The following COL22A1 variants were observed in gnomAD, a reference collection of about 807,000 sequenced individuals.
COL22A1 encodes collagen alpha-1(XXII) chain.
A neutral mutation model predicts 248.9 loss-of-function variants in COL22A1; 221 were observed. The ratio of observed to expected loss-of-function variants is 0.89; its 90% CI spans 0.80 to 0.99. COL22A1 has a LOEUF of 0.99. Among genes scored for constraint, COL22A1 ranks in the 50% least tolerant of loss-of-function variants. COL22A1 has a pLI of 0.00. For synonymous variants in COL22A1, 891 were observed against 793.4 expected, an observed-to-expected ratio of 1.12 and a Z score of -2.07; for missense variants, 2,240 against 2,179.0, an observed-to-expected ratio of 1.03 and a Z score of -0.56.
intron 30 of COL22A1, among the ~76,000 whole-genome samples, chr8:138,715,341 T>C (rs533756689): frequency 4.5e-4 from 68 of 152,186 alleles, no homozygotes; most frequent in African/African-American, 1.5e-3. Flanking sequence ...ACAGATCACC[T>C]GAGGTCAGGA....
chr8:138,620,940 AGC>A (rs1819733325), intron 52 of COL22A1, among the ~76,000 whole-genome samples: 1 of 141,252 alleles, frequency 7.1e-6, no homozygotes, highest in East Asian at 2.1e-4. Flanking sequence ...CAACCAACCA[AGC>A]ATCCATCCAT....
At chr8:138,801,480 C>T (rs767909571) in intron 11 of COL22A1, among the ~76,000 whole-genome samples, 1 of 152,122 alleles carries the variant, frequency 6.6e-6, no homozygotes, top group Non-Finnish European at 1.5e-5. Context: ...TGGGTTTCCT[C>T]CTGAGCACTG....
intron 41 of COL22A1, among the ~76,000 whole-genome samples, chr8:138,672,116 T>G (rs1308042168): frequency 2.0e-5 from 3 of 152,174 alleles, no homozygotes; most frequent in African/African-American, 4.8e-5. Context: ...GTTAAGGGCA[T>G]TTGCTTGGAG....
intron 51 of COL22A1, among the ~76,000 whole-genome samples, chr8:138,624,273 G>A (rs1374841274): frequency 2.0e-5 from 3 of 152,140 alleles, no homozygotes; most frequent in Non-Finnish European, 4.4e-5. Context: ...CAAGGAGCAC[G>A]TTTGGGTCAC....
In COL22A1 at chr8:138,847,425, G is replaced by A. The variant is rs372430511; in HGVS notation, c.659-3267C>T. ...CCCCATATCCATTTCCCACTTCTTT[G>A]TTGCTAAATAATGCCACCTTAGTTC... On this transcript the variant is annotated intron_variant, in intron 3 of 64. Coordinates refer to ENST00000303045, the MANE Select transcript of COL22A1 (RefSeq NM_152888.3). Among the ~76,000 whole-genome samples, 9 of 152,260 alleles carry A rather than the reference G, an allele frequency of 5.9e-5. No homozygotes were observed. The East Asian group carries it at 1.4e-3, about 23-fold the overall frequency.
At chr8:138,787,525 T>C (rs1815639979) in intron 12 of COL22A1, among the ~76,000 whole-genome samples, 1 of 152,164 alleles carries the variant, frequency 6.6e-6, no homozygotes. Context: ...ATGCTTCGTA[T>C]ACAAAGAAAT....
chr8:138,659,083 C>T (rs1364616658), intron 44 of COL22A1, among the ~76,000 whole-genome samples: 1 of 152,164 alleles, frequency 6.6e-6, no homozygotes, highest in Non-Finnish European at 1.5e-5. Context: ...ACTCTCCCTG[C>T]ACTTCACCAG....
At chr8:138,688,272 G>C (rs1017546390) in intron 37 of COL22A1, among the ~76,000 whole-genome samples, 1 of 151,822 alleles carries the variant, frequency 6.6e-6, no homozygotes, top group Non-Finnish European at 1.5e-5. Context: ...TGTAATCCCA[G>C]CACTTTGGGA....
chr8:138,792,843 A>G (rs1816185581), intron 12 of COL22A1, among the ~76,000 whole-genome samples: 1 of 152,174 alleles, frequency 6.6e-6, no homozygotes, highest in African/African-American at 2.4e-5. Context: ...CAGTGATTCA[A>G]TCAGCTCTGC....
chr8:138,873,522 C>T (rs1407092783), intron 3 of COL22A1, among the ~76,000 whole-genome samples: 3 of 152,202 alleles, frequency 2.0e-5, no homozygotes, highest in Non-Finnish European at 2.9e-5. Context: ...AAGGAACAGA[C>T]TTTGCCCTTG....
rs777958724 is a variant in COL22A1, at chr8:138,792,293, C to G, written c.1596+4526G>C. Among the ~76,000 whole-genome samples the G allele has an allele frequency of 5.3e-5, 8 of 152,358 alleles. No individual in the cohort carries two copies. In the South Asian group the frequency reaches 1.7e-3, roughly 32 times the overall value. ...CACCACCACCAATATCCCAACCCAA[C>G]TCTACCTGCAATATTAATAATAGCT... On this transcript the variant is annotated intron_variant, in intron 12 of 64. Coordinates refer to ENST00000303045, the MANE Select transcript of COL22A1 (RefSeq NM_152888.3).
chr8:138,690,752 G>A, intron 36 of COL22A1, 69 bp downstream of exon 36: 1 of 1,300,382 alleles, frequency 7.7e-7, no homozygotes, highest in East Asian at 2.5e-5. Context: ...TACGCCTCTG[G>A]CTTTTGGGGA....
rs943556348 is a variant in COL22A1 at position 138,616,649 on chromosome 8, C to T, written c.3870+265G>A. Reference sequence around the variant, plus strand: ...CCTCACAAGGCTCAGGGCTGACATGCGTGACACACCTGAGTCCAGACTTAT... The same window carrying T: ...CCTCACAAGGCTCAGGGCTGACATGTGTGACACACCTGAGTCCAGACTTAT... On this transcript the variant is annotated intron_variant, in intron 54 of 64. Transcript: ENST00000303045. Among the ~76,000 whole-genome samples, 9 of 152,326 alleles carry T rather than the reference C, an allele frequency of 5.9e-5. No homozygotes were observed. The East Asian group carries it at 7.7e-4, about 13-fold the overall frequency.
rs1024343126 is a variant in COL22A1, at chr8:138,589,268, A to G, written c.4866T>C (p.Asn1622=). ...YFASLAARPG[N]VKGP ...CCAGAGTCCTTTAGGGACCCTTCACATTACCCGGCCGGGCAGCAAGGCTGG... is the reference window on the plus strand; with the variant it reads ...CCAGAGTCCTTTAGGGACCCTTCACGTTACCCGGCCGGGCAGCAAGGCTGG... The change falls in exon 65 of 65, where the codon AAT becomes AAC. Residue 1622 remains asparagine (N), a synonymous_variant. Transcript: ENST00000303045. The G allele has an allele frequency of 1.2e-5, 19 of 1,613,722 alleles. No individual in the cohort carries two copies. The highest frequency in any genetic ancestry group is 1.6e-4 in the Middle Eastern group (1 of 6,062).
At chr8:138,644,313 T>C (rs1822006011) in intron 47 of COL22A1, among the ~76,000 whole-genome samples, 1 of 152,188 alleles carries the variant, frequency 6.6e-6, no homozygotes, top group Non-Finnish European at 1.5e-5. Context: ...CATTAAAGTA[T>C]TATTTACCTA....
intron 1 of COL22A1, among the ~76,000 whole-genome samples, chr8:138,912,134 A>G (rs191859591): frequency 1.1e-3 from 174 of 152,216 alleles, no homozygotes; most frequent in Non-Finnish European, 1.7e-3. Context: ...CCATCAGCAA[A>G]AGAGAAAATT....
chr8:138,616,324 T>A (rs369500458), intron 54 of COL22A1, among the ~76,000 whole-genome samples: 1 of 152,188 alleles, frequency 6.6e-6, no homozygotes, highest in African/African-American at 2.4e-5. Flanking sequence ...GGCTCTGGCA[T>A]CTACTCTTGG....
rs1828121626 is a variant in COL22A1, at chr8:138,703,334, G to A, written c.2531C>T (p.Pro844Leu). The change falls in exon 31 of 65, where the codon CCT becomes CTT. Residue 844 changes from proline (P) to leucine (L), a missense_variant. Pro to Leu is a moderately conservative substitution (Grantham distance 98). Transcript: ENST00000303045. ...TCCAGGTAACCCGGGAGGGCCTGCAGGACCAGCTTCACCCTAGATGGAGAA... is the reference window on the plus strand; with the variant it reads ...TCCAGGTAACCCGGGAGGGCCTGCAAGACCAGCTTCACCCTAGATGGAGAA... ...GDRGEKGEAG[P>L]AGPPGLPGTT... is the part of the protein sequence containing the mutation. 6.2e-7 allele frequency: 1 copy of A among 1,613,806 alleles called. No homozygotes were observed. The highest frequency in any genetic ancestry group is 1.3e-5 in the African/African-American group (1 of 75,010).
intron 16 of COL22A1, among the ~76,000 whole-genome samples, chr8:138,765,388 T>C (rs905734366): frequency 6.6e-6 from 1 of 152,132 alleles, no homozygotes; most frequent in Non-Finnish European, 1.5e-5. Context: ...CAAAGGCACA[T>C]AGAAACTTAG....
Sources: allele counts gnomAD v4.1 joint callset (sites outside exome capture counted in the v4.1 genomes callset), GRCh38; gene constraint gnomAD v4.1.1; transcripts MANE v1.5; gene names NCBI Gene and HGNC (gene_info 2026-07-23, HGNC 2026-07-21).